The following DOCK3 variants were observed in gnomAD, a reference collection of about 807,000 sequenced individuals.
The protein encoded by DOCK3 is dedicator of cytokinesis protein 3.
A neutral mutation model predicts 265.6 loss-of-function variants in DOCK3; 60 were observed. The ratio of observed to expected loss-of-function variants is 0.23; its 90% CI spans 0.18 to 0.28. The LOEUF is 0.28. Ranked by LOEUF, DOCK3 falls within the 10% of genes least tolerant of loss-of-function variation. The pLI is 1.00. For missense variants in DOCK3, 1,981 were observed against 2,594.3 expected, an observed-to-expected ratio of 0.76 and a Z score of 5.14; for synonymous variants, 881 against 938.0, an observed-to-expected ratio of 0.94 and a Z score of 1.11.
chr3:51,285,996 C>T (rs1026772255), intron 27 of DOCK3, among the ~76,000 whole-genome samples: 7 of 152,072 alleles, frequency 4.6e-5, no homozygotes, highest in Admixed American at 3.3e-4. Context: ...AGAAAGAAAA[C>T]GCATCCAAAT....
chr3:50,727,058 A>G (rs2037875934), intron 1 of DOCK3, among the ~76,000 whole-genome samples: 1 of 152,194 alleles, frequency 6.6e-6, no homozygotes, highest in South Asian at 2.1e-4. Context: ...TCACTAAAAA[A>G]CAGAGGAGGC....
At chr3:51,196,736 G>C (rs1466548724) in intron 12 of DOCK3, among the ~76,000 whole-genome samples, 1 of 152,156 alleles carries the variant, frequency 6.6e-6, no homozygotes, top group South Asian at 2.1e-4. Flanking sequence ...TCTATCTGGT[G>C]CTTTAAAAAA....
At chr3:51,015,572 T>C (rs1267386526) in intron 5 of DOCK3, among the ~76,000 whole-genome samples, 1 of 150,494 alleles carries the variant, frequency 6.6e-6, no homozygotes, top group Non-Finnish European at 1.5e-5. Flanking sequence ...TTATCAGATA[T>C]ATTGGTCTGT....
chr3:51,302,701 AC>A (rs1475759054), intron 27 of DOCK3, among the ~76,000 whole-genome samples: 1 of 151,530 alleles, frequency 6.6e-6, no homozygotes, highest in African/African-American at 2.4e-5. Flanking sequence ...CAGATATGAA[AC>A]TCTGGGCTGG....
At chr3:51,235,505 G>C (rs577563743) in intron 19 of DOCK3, among the ~76,000 whole-genome samples, 87 of 152,292 alleles carry the variant, frequency 5.7e-4, no homozygotes, top group Admixed American at 1.5e-3. Flanking sequence ...AGCATATGCA[G>C]AAGTATACAG....
Position 50,816,031 on chromosome 3 carries a change from G to GT in DOCK3, c.122-25632dup, listed in dbSNP as rs374082190. ...AATCTTCTGTGTTCAGGAAAAACTG[G>GT]TTTTTTTTTTTTAGATCTGTCTGCT... On this transcript the variant is annotated intron_variant, in intron 2 of 52. Transcript: ENST00000266037. Among the ~76,000 whole-genome samples the GT allele has an allele frequency of 3.8e-3, 550 of 145,326 alleles. 1 individual carries two copies. Among genetic ancestry groups the GT allele is most frequent in the Middle Eastern group, 0.011 (3 of 280 alleles).
rs551391551 is a variant in DOCK3, at chr3:51,006,400, C to T, written c.316-58048C>T. Among the ~76,000 whole-genome samples, 46 of 152,214 alleles carry T rather than the reference C, an allele frequency of 3.0e-4. No homozygotes were observed. In the South Asian group the frequency reaches 7.9e-3, roughly 26 times the overall value. On this transcript the variant is annotated intron_variant, in intron 5 of 52. Coordinates refer to ENST00000266037, the MANE Select transcript of DOCK3 (RefSeq NM_004947.5). ...TTGTGTATTGCTTACAGCCAACTAC[C>T]CACTGTACCCCTCTAGTAGATCCCA... is the stretch of plus-strand genomic sequence containing the variant.
chr3:50,681,787 C>T (rs1052647913), intron 1 of DOCK3, among the ~76,000 whole-genome samples: 22 of 152,174 alleles, frequency 1.4e-4, no homozygotes, highest in Admixed American at 1.3e-3. Context: ...CCTCTCCCTT[C>T]GGAACTCATT....
At chr3:50,838,283 A>T (rs1316409994) in intron 2 of DOCK3, among the ~76,000 whole-genome samples, 1 of 152,198 alleles carries the variant, frequency 6.6e-6, no homozygotes, top group Non-Finnish European at 1.5e-5. Context: ...ATTTTATAGA[A>T]TTCAGTTATA....
At chr3:51,309,159 G>A (rs1310816780) in intron 27 of DOCK3, among the ~76,000 whole-genome samples, 3 of 151,854 alleles carry the variant, frequency 2.0e-5, no homozygotes, top group Non-Finnish European at 2.9e-5. Context: ...AGGCAGAGAC[G>A]CTCCTCACTT....
At chr3:51,350,697 C>CTG (rs1560484132) in intron 40 of DOCK3, among the ~76,000 whole-genome samples, 1 of 152,188 alleles carries the variant, frequency 6.6e-6, no homozygotes, top group Non-Finnish European at 1.5e-5. Flanking sequence ...CTTCCAACTT[C>CTG]TGCCTCCAGT....
chr3:51,149,604 G>A (rs1012405219), intron 10 of DOCK3, among the ~76,000 whole-genome samples: 2 of 152,242 alleles, frequency 1.3e-5, no homozygotes, highest in East Asian at 3.9e-4. Flanking sequence ...TAATCATGTG[G>A]TTTTTGTCAT....
At chr3:50,795,815 G>A (rs13095706) in intron 2 of DOCK3, among the ~76,000 whole-genome samples, 14,362 of 152,164 alleles carry the variant, frequency 0.094, 842 homozygotes, top group Non-Finnish European at 0.12. Flanking sequence ...TCAAATTCTT[G>A]TAGTGTGTTT....
chr3:51,139,810 G>A (rs1298116354), intron 9 of DOCK3, among the ~76,000 whole-genome samples: 1 of 152,242 alleles, frequency 6.6e-6, no homozygotes, highest in African/African-American at 2.4e-5. Flanking sequence ...AAGGATGGCA[G>A]TGAGCCAGCC....
At chr3:51,034,524 C>T (rs1350888677) in intron 5 of DOCK3, among the ~76,000 whole-genome samples, 1 of 152,036 alleles carries the variant, frequency 6.6e-6, no homozygotes, top group Non-Finnish European at 1.5e-5. Context: ...TATTTATAAA[C>T]ATACATCCTA....
chr3:50,926,705 G>A (rs112404402), intron 4 of DOCK3, among the ~76,000 whole-genome samples: 119 of 152,312 alleles, frequency 7.8e-4, no homozygotes, highest in Non-Finnish European at 1.2e-3. Flanking sequence ...ATGTGAGCAC[G>A]TTATGGACTG....
At position 51,361,261 on chromosome 3, in the gene DOCK3, C is replaced by A. The variant is rs2086714007; in HGVS notation, c.5007-598C>A. Reference sequence around the variant, plus strand: ...GAGCCCCTCACTTAGGCTTGTTTTCCAGTGTGAGCAGCAGCTCAGCACAGA... The same window carrying A: ...GAGCCCCTCACTTAGGCTTGTTTTCAAGTGTGAGCAGCAGCTCAGCACAGA... On this transcript the variant is annotated intron_variant, in intron 47 of 52. Coordinates refer to ENST00000266037, the MANE Select transcript of DOCK3 (RefSeq NM_004947.5). The surrounding 1 kb of genome is among the most constrained non-coding windows in gnomAD (Gnocchi z 4.2). Among the ~76,000 whole-genome samples the A allele has an allele frequency of 1.3e-5, 2 of 152,218 alleles. No individual in the cohort carries two copies. The highest frequency in any genetic ancestry group is 1.3e-4 in the Admixed American group (2 of 15,284).
At chr3:50,974,124 A>T (rs1286897453) in intron 5 of DOCK3, among the ~76,000 whole-genome samples, 1 of 151,208 alleles carries the variant, frequency 6.6e-6, no homozygotes, top group Non-Finnish European at 1.5e-5. Context: ...CTTTTGCTGT[A>T]CAGAAGCTCT....
chr3:51,281,274 AATATATATATATATATATATATAT>A (rs56084027), intron 27 of DOCK3, among the ~76,000 whole-genome samples: 1 of 125,694 alleles, frequency 8.0e-6, no homozygotes, highest in African/African-American at 3.0e-5. Flanking sequence ...GATGAGCTAA[AATATATATATATATATATATATAT>A]ATATATATCT....
Sources: gnomAD v4.1 joint callset for allele counts (sites outside exome capture counted in the v4.1 genomes callset) on GRCh38, gnomAD v4.1.1 for gene constraint, Gnocchi (gnomAD v3.1) non-coding constraint, MANE v1.5 for transcripts, NCBI Gene and HGNC (gene_info 2026-07-23, HGNC 2026-07-21) for gene names.